Variants in INPP4B observed in about 807,000 individuals in gnomAD.
INPP4B encodes the protein inositol polyphosphate-4-phosphatase type II B, also known as inositol polyphosphate 4-phosphatase type II.
A neutral mutation model predicts 122.5 loss-of-function variants in INPP4B; 55 were observed. That is an observed-to-expected ratio of 0.45 (90% confidence interval 0.36 to 0.56). The LOEUF is 0.56. Among genes scored for constraint, INPP4B ranks in the 20% least tolerant of loss-of-function variants. The pLI is 0.00. For missense variants in INPP4B, 1,000 were observed against 1,097.7 expected (o/e 0.91, Z 1.26); for synonymous variants, 403 against 388.7 (o/e 1.04, Z -0.43).
chr4:142,532,738 A>T (rs902723129), intron 2 of INPP4B, among the ~76,000 whole-genome samples: 1 of 152,232 alleles, frequency 6.6e-6, no homozygotes, highest in Non-Finnish European at 1.5e-5. Flanking sequence ...ATGGAATATG[A>T]CAAAATACTT....
chr4:142,290,199 T>TTG (rs1561760503), intron 9 of INPP4B, among the ~76,000 whole-genome samples: 1 of 110,958 alleles, frequency 9.0e-6, no homozygotes, highest in Non-Finnish European at 1.7e-5. Flanking sequence ...TTCTTCCTTT[T>TTG]TTTTTTTTTT....
At position 142,109,039 on chromosome 4, in the gene INPP4B, G is replaced by A. The variant is rs180844528; in HGVS notation, c.2277-849C>T. ...TTGCTAAGCATGTCCCCAATATTTT[G>A]GCATTAATTCAGGTTCAAAATCTAG... On this transcript the variant is annotated intron_variant, in intron 22 of 25. Coordinates refer to ENST00000262992, the MANE Select transcript of INPP4B (RefSeq NM_001101669.3). Among the ~76,000 whole-genome samples, 9 of 152,014 alleles carry A rather than the reference G, an allele frequency of 5.9e-5. No individual in the cohort carries two copies. The East Asian group carries it at 1.5e-3, about 26-fold the overall frequency.
chr4:142,735,650 C>T (rs1472559431), intron 1 of INPP4B, among the ~76,000 whole-genome samples: 1 of 152,140 alleles, frequency 6.6e-6, no homozygotes, highest in Non-Finnish European at 1.5e-5. Context: ...CTCAGCTGAG[C>T]TAATGTGCCT....
intron 2 of INPP4B, among the ~76,000 whole-genome samples, chr4:142,667,954 C>T (rs1192160873): frequency 1.3e-5 from 2 of 152,164 alleles, no homozygotes; most frequent in Non-Finnish European, 2.9e-5. Flanking sequence ...AGTTTCACTA[C>T]TGAATTCTGT....
rs1736056792 is a variant in INPP4B, at chr4:142,023,361, A to G, written c.*5421T>C. On this transcript the variant is annotated 3_prime_UTR_variant, in exon 26 of 26. Coordinates refer to ENST00000262992, the MANE Select transcript of INPP4B (RefSeq NM_001101669.3). The stretch of plus-strand genomic sequence containing the variant: ...ATAACATAAAAAGAAAACAAATGCC[A>G]ACCTTTCAGATGAGTACCACAAAAA... 6.6e-6 allele frequency: 1 copy of G among 152,188 alleles called. No homozygotes were observed. The highest frequency in any genetic ancestry group is 1.5e-5 in the Non-Finnish European group (1 of 68,026). The allele number at this position is 152,188 out of a possible 1,614,324, so 9.4% of individuals were successfully genotyped here. A position where few individuals can be genotyped will look rare whatever the true frequency, so the allele number is the denominator to read the frequency against.
intron 2 of INPP4B, among the ~76,000 whole-genome samples, chr4:142,584,222 A>G (rs1307252146): frequency 6.6e-6 from 1 of 152,146 alleles, no homozygotes; most frequent in African/African-American, 2.4e-5. Flanking sequence ...TAAGATAGTA[A>G]AGAGAGTTCC....
chr4:142,632,721 G>C (rs545269042), intron 2 of INPP4B, among the ~76,000 whole-genome samples: 1 of 151,646 alleles, frequency 6.6e-6, no homozygotes, highest in African/African-American at 2.4e-5. Flanking sequence ...ATGTTCAAAG[G>C]TTCTTATATT....
chr4:142,063,582 G>A (rs181721933), intron 25 of INPP4B, among the ~76,000 whole-genome samples: 7 of 152,184 alleles, frequency 4.6e-5, no homozygotes, highest in African/African-American at 1.7e-4. Flanking sequence ...TTTGGTTGGA[G>A]ATAAAGCTAT....
At chr4:142,571,054 T>C (rs1732691761) in intron 2 of INPP4B, among the ~76,000 whole-genome samples, 1 of 146,946 alleles carries the variant, frequency 6.8e-6, no homozygotes, top group South Asian at 2.2e-4. Context: ...TCCCAAAGAA[T>C]TCCAGGAGTC....
At chr4:142,434,185 T>C (rs17016123) in intron 3 of INPP4B, among the ~76,000 whole-genome samples, 15,956 of 152,214 alleles carry the variant, frequency 0.1, 1,046 homozygotes, top group East Asian at 0.19. Flanking sequence ...TCTCATTTAG[T>C]GAACTATGGT....
intron 2 of INPP4B, among the ~76,000 whole-genome samples, chr4:142,618,452 G>T (rs1744159916): frequency 6.6e-6 from 1 of 152,028 alleles, no homozygotes; most frequent in South Asian, 2.1e-4. Context: ...ACTGATTTTT[G>T]ATAAAGGTGT....
chr4:142,514,792 CT>C lies in INPP4B; in HGVS notation c.-190-52067del, dbSNP rs3078620. Among the ~76,000 whole-genome samples the C allele has an allele frequency of 1.3e-3, 156 of 121,782 alleles. 1 individual carries two copies. The highest frequency in any genetic ancestry group is 7.0e-3 in the East Asian group (28 of 4,018). The allele number at this position is 121,782 out of a possible 152,430, so 79.9% of individuals were successfully genotyped here. ...CCATCCCCTGCACACACCATGATTT[CT>C]TTTTTTTTTTTTTTTTTTTTGAGAC... is the stretch of plus-strand genomic sequence containing the variant. On this transcript the variant is annotated intron_variant, in intron 2 of 25. Coordinates refer to ENST00000262992, the MANE Select transcript of INPP4B (RefSeq NM_001101669.3).
intron 3 of INPP4B, among the ~76,000 whole-genome samples, chr4:142,444,173 G>C (rs1173691928): frequency 3.9e-5 from 6 of 152,134 alleles, no homozygotes; most frequent in Admixed American, 2.0e-4. Context: ...GTTTGACACA[G>C]GCAAGGAAAT....
At chr4:142,316,596 T>TA (rs1554035061) in intron 7 of INPP4B, among the ~76,000 whole-genome samples, 6 of 152,130 alleles carry the variant, frequency 3.9e-5, no homozygotes, top group Non-Finnish European at 2.9e-5. Context: ...ATTAATTTTT[T>TA]AAAAAATTGA....
At chr4:142,077,101 T>G (rs1771194455) in intron 25 of INPP4B, among the ~76,000 whole-genome samples, 1 of 151,990 alleles carries the variant, frequency 6.6e-6, no homozygotes, top group Non-Finnish European at 1.5e-5. Context: ...CGCAACATGT[T>G]GAGAATATGA....
chr4:142,683,876 A>G (rs1282168646), intron 2 of INPP4B, among the ~76,000 whole-genome samples: 1 of 151,894 alleles, frequency 6.6e-6, no homozygotes, highest in Non-Finnish European at 1.5e-5. Flanking sequence ...AATTTTGGCA[A>G]CTTCACAGAA....
chr4:142,718,332 A>T (rs1035408686), intron 2 of INPP4B, among the ~76,000 whole-genome samples: 9 of 152,238 alleles, frequency 5.9e-5, no homozygotes, highest in African/African-American at 1.9e-4. Flanking sequence ...TAGTTAAAAC[A>T]GTTTGTTTAA....
intron 2 of INPP4B, among the ~76,000 whole-genome samples, chr4:142,649,513 T>G (rs1295025426): frequency 6.6e-6 from 1 of 152,134 alleles, no homozygotes; most frequent in Admixed American, 6.6e-5. Context: ...ATAAACAGTG[T>G]AGAGAAGACC....
intron 15 of INPP4B, among the ~76,000 whole-genome samples, chr4:142,189,707 A>G (rs887804960): frequency 2.6e-5 from 4 of 152,206 alleles, no homozygotes; most frequent in Non-Finnish European, 1.5e-5. Context: ...GAAAAAGGAA[A>G]AGGTATAAAT....
Sources: allele counts gnomAD v4.1 joint callset (sites outside exome capture counted in the v4.1 genomes callset), GRCh38; gene constraint gnomAD v4.1.1; transcripts MANE v1.5; gene names NCBI Gene and HGNC (gene_info 2026-07-23, HGNC 2026-07-21).